The following DNAH14 variants were observed in gnomAD, a reference collection of about 807,000 sequenced individuals.
DNAH14 encodes dynein axonemal heavy chain 14, also known as axonemal beta dynein heavy chain 14.
DNAH14 carries 478 observed loss-of-function variants against 520.9 expected under a neutral mutation model. The observed-to-expected ratio is 0.92, with a 90% CI of 0.85 to 0.99. The LOEUF is 0.99. Among genes scored for constraint, DNAH14 ranks in the 50% least tolerant of loss-of-function variants. DNAH14 has a pLI of 0.00. For missense variants in DNAH14, 4,831 were observed against 5,234.5 expected (o/e 0.92, Z 2.38); for synonymous variants, 1,581 against 1,757.2 (o/e 0.90, Z 2.51).
At chr1:225,350,484 T>A (rs1370852524) in intron 71 of DNAH14, among the ~76,000 whole-genome samples, 1 of 151,356 alleles carries the variant, frequency 6.6e-6, no homozygotes, top group Non-Finnish European at 1.5e-5. Context: ...TTTGAAAAGA[T>A]CAATAAAATT....
At chr1:225,376,226 A>G (rs953466268) in intron 78 of DNAH14, among the ~76,000 whole-genome samples, 3 of 152,306 alleles carry the variant, frequency 2.0e-5, no homozygotes, top group Middle Eastern at 3.4e-3. Context: ...CAGGAGTTCG[A>G]GACCAGCCTG....
chr1:225,200,501 G>A (rs908667203), intron 38 of DNAH14, among the ~76,000 whole-genome samples: 1 of 152,062 alleles, frequency 6.6e-6, no homozygotes, highest in Admixed American at 6.6e-5. Flanking sequence ...TCAAGATTTA[G>A]AGCTCCTTTT....
At chr1:224,960,007 C>T in intron 3 of DNAH14, 146 bp from the exon 4 acceptor site, 1 of 676,340 alleles carries the variant, frequency 1.5e-6, no homozygotes, top group Non-Finnish European at 2.2e-6. Context: ...GCTTGGAACC[C>T]AGGCAGTGGG....
At chr1:224,945,027 T>G (rs2059700408) in intron 1 of DNAH14, among the ~76,000 whole-genome samples, 1 of 152,192 alleles carries the variant, frequency 6.6e-6, no homozygotes, top group Non-Finnish European at 1.5e-5. Flanking sequence ...TTCCTGAATT[T>G]GAATGTTGGC....
At chr1:225,185,616 A>G (rs910577528) in intron 37 of DNAH14, among the ~76,000 whole-genome samples, 191 bp downstream of exon 37, 7 of 152,082 alleles carry the variant, frequency 4.6e-5, no homozygotes, top group Non-Finnish European at 1.5e-5. Flanking sequence ...AGTTTAAAGA[A>G]ACTATTGTAT....
intron 22 of DNAH14, among the ~76,000 whole-genome samples, chr1:225,098,288 T>C (rs2075167656): frequency 6.6e-6 from 1 of 151,944 alleles, no homozygotes; most frequent in Non-Finnish European, 1.5e-5. Context: ...ATTCTACCTT[T>C]AAAAAACACC....
chr1:225,308,816 C>G (rs565095535), intron 60 of DNAH14, among the ~76,000 whole-genome samples: 65 of 152,330 alleles, frequency 4.3e-4, no homozygotes, highest in African/African-American at 1.5e-3. Context: ...ATTGACCATT[C>G]TCCTCCATAC....
At chr1:225,056,963 G>A (rs145154235) in intron 17 of DNAH14, among the ~76,000 whole-genome samples, 335 of 152,262 alleles carry the variant, frequency 2.2e-3, no homozygotes, top group African/African-American at 7.6e-3. Flanking sequence ...GTCAGGTAGC[G>A]TGATGTGTCC....
At chr1:225,315,538 T>C (rs758586052) in intron 60 of DNAH14, among the ~76,000 whole-genome samples, 1 of 152,188 alleles carries the variant, frequency 6.6e-6, no homozygotes, top group Non-Finnish European at 1.5e-5. Context: ...TTTGGAATTT[T>C]CAGCATTTTT....
At chr1:225,325,866 C>G (rs538333760) in intron 64 of DNAH14, among the ~76,000 whole-genome samples, 52 of 152,260 alleles carry the variant, frequency 3.4e-4, no homozygotes, top group Non-Finnish European at 6.9e-4. Context: ...CTAGCGTTCC[C>G]ACTTGGCTGT....
intron 1 of DNAH14, among the ~76,000 whole-genome samples, chr1:224,940,427 C>T (rs1180923381): frequency 2.0e-5 from 3 of 152,114 alleles, no homozygotes; most frequent in Admixed American, 1.3e-4. Context: ...TCTTTGGATA[C>T]TGTGTATTAC....
At chr1:225,135,652 T>C (rs2078886327) in intron 27 of DNAH14, among the ~76,000 whole-genome samples, 2 of 152,152 alleles carry the variant, frequency 1.3e-5, no homozygotes, top group South Asian at 4.1e-4. Flanking sequence ...TGTTTTGGGG[T>C]AAAGAGTTCT....
intron 1 of DNAH14, among the ~76,000 whole-genome samples, chr1:224,948,240 A>G (rs12133091): frequency 0.025 from 3,833 of 151,748 alleles, 76 homozygotes; most frequent in Non-Finnish European, 0.041. Context: ...TGCATTCCAT[A>G]TTTAGAAACC....
In DNAH14 at chr1:225,274,194, G is replaced by GTTTTTTTTTTTTTTTTT. The variant is rs1193834939; in HGVS notation, c.8010+1071_8010+1072insTTTTTTTTTTTTTTTTT. On this transcript the variant is annotated intron_variant, in intron 52 of 85. Transcript: ENST00000682510. Reference sequence around the variant, plus strand: ...TTTCTCTGCATCCTCACCAGCATCTGTTATTTTTTTTTTTTTTTTTTTTTT... The same window carrying GTTTTTTTTTTTTTTTTT: ...TTTCTCTGCATCCTCACCAGCATCTGTTTTTTTTTTTTTTTTTTTATTTTTTTTTTTTTTTTTTTTTT... Among the ~76,000 whole-genome samples the GTTTTTTTTTTTTTTTTT allele has an allele frequency of 8.8e-4, 106 of 120,288 alleles. 16 individuals are homozygous for GTTTTTTTTTTTTTTTTT. The Middle Eastern group carries it at 0.015, about 17-fold the overall frequency. 78.9% of individuals were successfully genotyped at this position (120,288 alleles called of 152,430 possible).
chr1:225,398,453 G>A (rs1271651886), intron 84 of DNAH14, 67 bp from the exon 85 acceptor site: 14 of 1,527,026 alleles, frequency 9.2e-6, no homozygotes, highest in East Asian at 4.9e-5. Context: ...GCTCAATTCC[G>A]GACGGAGCCT....
At chr1:225,168,184 G>A (rs958726810) in intron 36 of DNAH14, among the ~76,000 whole-genome samples, 156 bp downstream of exon 36, 4 of 151,882 alleles carry the variant, frequency 2.6e-5, no homozygotes, top group Non-Finnish European at 5.9e-5. Flanking sequence ...TTTATTATTT[G>A]GGTTCCAAGA....
Position 225,259,267 on chromosome 1 carries a change from A to C in DNAH14, c.7157+14A>C, listed in dbSNP as rs192371984. ...AAAAAAATCAAGGTTGTATATACTA[A>C]CTTCTAAATTTGATTTGTCTGATTT... On this transcript the variant is annotated intron_variant, in intron 46 of 85. Coordinates refer to ENST00000682510, the MANE Select transcript of DNAH14 (RefSeq NM_001367479.1). 41 of 1,381,606 alleles carry C rather than the reference A, an allele frequency of 3.0e-5. No individual in the cohort carries two copies. In the East Asian group the frequency reaches 7.2e-4, roughly 24 times the overall value. The allele number at this position is 1,381,606 out of a possible 1,614,324, so 85.6% of individuals were successfully genotyped here. A position where few individuals can be genotyped will look rare whatever the true frequency, so the allele number is the denominator to read the frequency against.
chr1:225,117,558 G>T, intron 23 of DNAH14, 126 bp from the exon 24 acceptor site: 2 of 538,844 alleles, frequency 3.7e-6, no homozygotes, highest in South Asian at 3.4e-5. Flanking sequence ...TATTTTAACT[G>T]ATACTACTAT....
At chr1:225,014,082 G>A (rs994829842) in intron 10 of DNAH14, among the ~76,000 whole-genome samples, 3 of 152,298 alleles carry the variant, frequency 2.0e-5, no homozygotes, top group African/African-American at 4.8e-5. Context: ...GGCCCTTGTG[G>A]TGTAGGCACC....
Sources: gnomAD v4.1 joint callset for allele counts (sites outside exome capture counted in the v4.1 genomes callset) on GRCh38, gnomAD v4.1.1 for gene constraint, MANE v1.5 for transcripts, NCBI Gene and HGNC (gene_info 2026-07-23, HGNC 2026-07-21) for gene names.